RRBP1: variants seen among roughly 807,000 people sequenced by gnomAD.
RRBP1 encodes ribosome-binding protein 1.
A neutral mutation model predicts 165.2 loss-of-function variants in RRBP1; 94 were observed. The ratio of observed to expected loss-of-function variants is 0.57; its 90% CI spans 0.48 to 0.68. The LOEUF (loss-of-function observed/expected upper bound fraction) is 0.68, where lower values mean the gene tolerates loss of function less well. Ranked by LOEUF, RRBP1 falls within the 30% of genes least tolerant of loss-of-function variation. The pLI is 0.00. For missense variants in RRBP1, 1,676 were observed against 1,763.0 expected (o/e 0.95, Z 0.88); for synonymous variants, 680 against 714.5 (o/e 0.95, Z 0.77).
intron 1 of RRBP1, among the ~76,000 whole-genome samples, chr20:17,681,731 C>T (rs1211251500): frequency 6.6e-6 from 1 of 150,578 alleles, no homozygotes; most frequent in Non-Finnish European, 1.5e-5. Flanking sequence ...AGGCAGGGAG[C>T]GGTCGCCACG....
Position 17,643,258 on chromosome 20 carries a change from G to T in RRBP1, c.1913-131C>A. ...CTCTCTGACTGCTTGGGGTCAGCAG[G>T]CTGAGCATGGCGAGTCTGCTCCAGT... On this transcript the variant is annotated intron_variant, in intron 3 of 24. Transcript: ENST00000377813. This position sits in a 1 kb window ranked among gnomAD's most constrained non-coding sequence, Gnocchi z 4.3. 1.1e-6 allele frequency: 1 copy of T among 875,456 alleles called. No homozygotes were observed. The highest frequency in any genetic ancestry group is 1.7e-6 in the Non-Finnish European group (1 of 578,830). The allele number at this position is 875,456 out of a possible 1,614,324, so 54.2% of individuals were successfully genotyped here.
chr20:17,660,172 C>T lies in RRBP1; in HGVS notation c.336G>A (p.Val112=). 6.2e-6 allele frequency: 10 copies of T among 1,614,096 alleles called. No individual in the cohort carries two copies. The highest frequency in any genetic ancestry group is 8.5e-6 in the Non-Finnish European group (10 of 1,180,008). The change falls in exon 3 of 25, where the codon GTG becomes GTA. Residue 112 remains valine (V), a synonymous_variant. Transcript: ENST00000377813. ...CAGGAGCAACGATAATGGGGGGCTG[C>T]ACTGGGGTTGGAGCCACAGCCACAG... ...APAVAVAPTP[V]QPPIIVAPVA... is the part of the protein sequence containing the mutation.
intron 16 of RRBP1, 33 bp downstream of exon 16, chr20:17,621,425 G>A: frequency 1.3e-6 from 2 of 1,560,964 alleles, no homozygotes; most frequent in East Asian, 2.2e-5. Flanking sequence ...CAGCCTCCCA[G>A]GGATGCCCAG....
chr20:17,620,312 T>C lies in RRBP1; in HGVS notation c.3566A>G (p.Glu1189Gly), dbSNP rs369852771. The stretch of plus-strand genomic sequence containing the variant: ...CAGAGCACATACCTGGTCCGAACTT[T>C]CAAGTTCTCCTTTTAGCTTCTCTAC... The part of the protein sequence containing the change: ...EIVEKLKGEL[E>G]SSDQVREHTS... The change falls in exon 18 of 25, where the codon GAA (glutamate) becomes GGA (glycine). Residue 1189 changes from glutamate to glycine, a missense_variant. Glu to Gly is a moderately conservative substitution (Grantham distance 98). This residue lies in a region of RRBP1 where 1,184 missense variants were observed against 1,167.1 expected (regional missense o/e 1.01). Transcript: ENST00000377813. 2.5e-6 allele frequency: 4 copies of C among 1,613,464 alleles called. No homozygotes were observed. In the African/African-American group the frequency reaches 5.3e-5, roughly 22 times the overall value.
intron 2 of RRBP1, 111 bp from the exon 3 acceptor site, chr20:17,660,639 T>C (rs1032632387): frequency 8.7e-6 from 6 of 693,124 alleles, no homozygotes; most frequent in Non-Finnish European, 1.5e-5. Context: ...TTCAGGCTAA[T>C]AAATTCAGAG....
chr20:17,667,250 T>C (rs1164338740), intron 2 of RRBP1, among the ~76,000 whole-genome samples: 1 of 152,242 alleles, frequency 6.6e-6, no homozygotes, highest in African/African-American at 2.4e-5. Flanking sequence ...TGAGATCTTT[T>C]CTTAAAGGGG....
At position 17,625,429 on chromosome 20, in the gene RRBP1, C is replaced by T. The variant is rs964197729; in HGVS notation, c.3054+83G>A. The T allele has an allele frequency of 1.4e-5, 16 of 1,183,706 alleles. No individual in the cohort carries two copies. In the African/African-American group the frequency reaches 1.5e-4, roughly 11 times the overall value. The allele number at this position is 1,183,706 out of a possible 1,614,324, so 73.3% of individuals were successfully genotyped here. ...GCTCAGCCCTCCCCCGAGTCCAGGG[C>T]GGGTGCCACATAGCAGAACCTTTCC... On this transcript the variant is annotated intron_variant, in intron 12 of 24. Transcript: ENST00000377813.
At chr20:17,615,625 C>T in intron 22 of RRBP1, 96 bp from the exon 23 acceptor site, 1 of 960,484 alleles carries the variant, frequency 1.0e-6, no homozygotes, top group Non-Finnish European at 1.5e-6. Flanking sequence ...AGGGGGCCCC[C>T]CCAGCCTGAT....
At chr20:17,681,717 A>T (rs1396441874) in intron 1 of RRBP1, among the ~76,000 whole-genome samples, 1 of 149,434 alleles carries the variant, frequency 6.7e-6, no homozygotes, top group Non-Finnish European at 1.5e-5. Flanking sequence ...GCCGGGAGGG[A>T]GGGAGGCAGG....
At chr20:17,642,176 T>A (rs1047544227) in intron 4 of RRBP1, among the ~76,000 whole-genome samples, 1 of 152,110 alleles carries the variant, frequency 6.6e-6, no homozygotes, top group Non-Finnish European at 1.5e-5. Context: ...CATTTAGGAG[T>A]GTGGTGTTGC....
chr20:17,645,712 G>A (rs2036451357), intron 3 of RRBP1, among the ~76,000 whole-genome samples: 1 of 152,252 alleles, frequency 6.6e-6, no homozygotes, highest in Admixed American at 6.5e-5. Flanking sequence ...GGCGTGCCCA[G>A]CACATCACTT....
intron 21 of RRBP1, 68 bp downstream of exon 21, chr20:17,616,664 C>T (rs1568750072): frequency 5.5e-6 from 6 of 1,088,048 alleles, no homozygotes; most frequent in East Asian, 4.9e-5. Context: ...TTAGTCCGAA[C>T]GGAGGCAGCA....
intron 2 of RRBP1, among the ~76,000 whole-genome samples, chr20:17,663,702 A>C (rs1461845199): frequency 6.6e-6 from 1 of 152,242 alleles, no homozygotes; most frequent in African/African-American, 2.4e-5. Flanking sequence ...ATTCACAGAA[A>C]TGATGAAGCC....
chr20:17,621,316 T>A (rs528119895), intron 16 of RRBP1, 142 bp downstream of exon 16: 33 of 629,678 alleles, frequency 5.2e-5, no homozygotes, highest in Non-Finnish European at 9.0e-5. Flanking sequence ...CCATTTACCA[T>A]GCAGCCGAAG....
rs149719030 is a variant in RRBP1, at chr20:17,621,690, C to G, written c.3324G>C (p.Ser1108=). ...AGCCTTGCCAGGCAGCCACACTTACCGAGGAGGGCTCCGCGGGAGCTGGCG... is the reference window on the plus strand; with the variant it reads ...AGCCTTGCCAGGCAGCCACACTTACGGAGGAGGGCTCCGCGGGAGCTGGCG... ...KHPPAPAEPS[S]DLASKLREAE... The change falls in exon 15 of 25, where the codon TCG becomes TCC. Residue 1108 remains serine, a splice_region_variant and synonymous_variant. Coordinates refer to ENST00000377813, the MANE Select transcript of RRBP1 (RefSeq NM_001365613.2). 6.2e-7 allele frequency: 1 copy of G among 1,613,432 alleles called. No individual in the cohort carries two copies. Among genetic ancestry groups the G allele is most frequent in the Admixed American group, 1.7e-5 (1 of 59,992 alleles).
In RRBP1 at chr20:17,627,394, G is replaced by A. The variant is rs1451615843; in HGVS notation, c.2929-12C>T. The A allele has an allele frequency of 1.2e-6, 2 of 1,613,966 alleles. No individual in the cohort carries two copies. ...TCCGCCTGGCTGGCCTGGAATGAGA[G>A]ACAAAAGCTCCTTGGTCTCCAGGAG... On this transcript the variant is annotated splice_polypyrimidine_tract_variant and intron_variant, in intron 10 of 24. Transcript: ENST00000377813.
intron 20 of RRBP1, among the ~76,000 whole-genome samples, chr20:17,618,193 A>G (rs1165483987): frequency 1.3e-5 from 2 of 152,232 alleles, no homozygotes; most frequent in Non-Finnish European, 2.9e-5. Flanking sequence ...ACTTGCTGAG[A>G]GCCCCAGGGC....
intron 2 of RRBP1, among the ~76,000 whole-genome samples, chr20:17,663,627 A>C (rs895727168): frequency 6.6e-6 from 1 of 152,250 alleles, no homozygotes; most frequent in Non-Finnish European, 1.5e-5. Flanking sequence ...AATGAAAAAC[A>C]ACCTTTCTGC....
At chr20:17,653,820 C>T (rs554973724) in intron 3 of RRBP1, among the ~76,000 whole-genome samples, 4 of 138,840 alleles carry the variant, frequency 2.9e-5, no homozygotes, top group South Asian at 2.3e-4. Flanking sequence ...GGTGACAGAG[C>T]GAGACTCCAT....
Sources: allele counts gnomAD v4.1 joint callset (sites outside exome capture counted in the v4.1 genomes callset), GRCh38; gene constraint gnomAD v4.1.1; regional missense constraint gnomAD v4.1.1; non-coding constraint Gnocchi (gnomAD v3.1); transcripts MANE v1.5; gene names NCBI Gene and HGNC (gene_info 2026-07-23, HGNC 2026-07-21).